The following C10orf67 variants were observed in gnomAD, a reference collection of about 807,000 sequenced individuals.
C10orf67 encodes chromosome 10 open reading frame 67, also known as uncharacterized protein C10orf67, mitochondrial.
C10orf67 carries 60 observed loss-of-function variants against 35.6 expected under a neutral mutation model. The ratio of observed to expected loss-of-function variants is 1.68; its 90% CI spans 1.37 to 2.09. The LOEUF (loss-of-function observed/expected upper bound fraction) is 2.09, where lower values mean the gene tolerates loss of function less well. C10orf67 is among the 30% of genes most tolerant of loss of function. The probability of loss-of-function intolerance (pLI) is 0.00; values close to 1 mark genes in which losing one functional copy is unlikely to be tolerated. For missense variants in C10orf67, 474 were observed against 330.2 expected, an observed-to-expected ratio of 1.44 and a Z score of -3.38; for synonymous variants, 167 against 115.8, an observed-to-expected ratio of 1.44 and a Z score of -2.84.
chr10:23,342,620 A>C (rs1775370478), intron 1 of C10orf67, among the ~76,000 whole-genome samples: 1 of 152,166 alleles, frequency 6.6e-6, no homozygotes. Context: ...CCAGGGCAGG[A>C]CACCATTCCT....
intron 4 of C10orf67, among the ~76,000 whole-genome samples, chr10:23,313,056 T>C (rs1241809319): frequency 6.6e-6 from 1 of 152,190 alleles, no homozygotes; most frequent in African/African-American, 2.4e-5. Context: ...CCCTCTCTTC[T>C]CTTTCCCTGT....
intron 1 of C10orf67, among the ~76,000 whole-genome samples, chr10:23,339,724 A>G (rs948491780): frequency 1.3e-5 from 2 of 152,130 alleles, no homozygotes; most frequent in African/African-American, 4.8e-5. Flanking sequence ...CTATCAGTGT[A>G]TTGTCTAGAG....
intron 1 of C10orf67, among the ~76,000 whole-genome samples, chr10:23,342,073 G>A (rs1031330693): frequency 2.6e-5 from 4 of 151,980 alleles, no homozygotes; most frequent in African/African-American, 4.8e-5. Flanking sequence ...CTGAGGTGGA[G>A]GGATCGCTTG....
intron 12 of C10orf67, among the ~76,000 whole-genome samples, chr10:23,244,448 T>C (rs925152482): frequency 4.6e-5 from 7 of 151,984 alleles, no homozygotes; most frequent in African/African-American, 9.7e-5. Context: ...GGAAACAAGA[T>C]AAAAGCAAAA....
intron 8 of C10orf67, among the ~76,000 whole-genome samples, chr10:23,267,623 G>C (rs1842918534): frequency 6.6e-6 from 1 of 152,164 alleles, no homozygotes. Context: ...GATAGCTTGA[G>C]AAGGCCGGGC....
intron 7 of C10orf67, among the ~76,000 whole-genome samples, chr10:23,289,220 G>A (rs1843640069): frequency 6.6e-6 from 1 of 152,146 alleles, no homozygotes; most frequent in South Asian, 2.1e-4. Flanking sequence ...CTGAAGTGCA[G>A]TGGTGCAATT....
At chr10:23,223,309 C>G (rs1396396541) in intron 15 of C10orf67, among the ~76,000 whole-genome samples, 1 of 151,994 alleles carries the variant, frequency 6.6e-6, no homozygotes, top group Non-Finnish European at 1.5e-5. Context: ...ATCTCAAACT[C>G]CTGGTTTCAA....
chr10:23,234,773 G>T (rs1842000778), intron 13 of C10orf67, among the ~76,000 whole-genome samples: 1 of 151,558 alleles, frequency 6.6e-6, no homozygotes, highest in Non-Finnish European at 1.5e-5. Context: ...CCAGCACTTT[G>T]GGGGGCTGAG....
At chr10:23,204,759 G>T (rs759551088) in intron 15 of C10orf67, among the ~76,000 whole-genome samples, 36 of 152,168 alleles carry the variant, frequency 2.4e-4, no homozygotes, top group Non-Finnish European at 4.0e-4. Context: ...TGAAACTGGG[G>T]AATGGGAAGA....
intron 2 of C10orf67, among the ~76,000 whole-genome samples, chr10:23,327,903 G>T (rs1845259634): frequency 6.6e-6 from 1 of 151,806 alleles, no homozygotes; most frequent in African/African-American, 2.4e-5. Flanking sequence ...AACACAAATT[G>T]CAACAAACAC....
At chr10:23,221,272 C>T (rs1367446716) in intron 15 of C10orf67, among the ~76,000 whole-genome samples, 2 of 152,036 alleles carry the variant, frequency 1.3e-5, no homozygotes, top group African/African-American at 4.8e-5. Context: ...ACTTTTAAAC[C>T]ATCAGATCTC....
chr10:23,280,556 C>G lies in C10orf67; in HGVS notation c.975+1457G>C, dbSNP rs79632032. 3.2e-3 allele frequency among the ~76,000 whole-genome samples: 489 copies of G among 152,258 alleles called. 3 individuals are homozygous for G. Among genetic ancestry groups the G allele is most frequent in the African/African-American group, 0.011 (468 of 41,534 alleles). ...TCCATCACAAGAAGAACCTCAAGCC[C>G]ACTCCCTCTATTGAAATCATGAGCT... is the stretch of plus-strand genomic sequence containing the variant. On this transcript the variant is annotated intron_variant, in intron 8 of 15. Coordinates refer to ENST00000636213, the MANE Select transcript of C10orf67 (RefSeq NM_001371909.1).
chr10:23,277,444 T>C (rs1433899894), intron 8 of C10orf67, among the ~76,000 whole-genome samples: 3 of 151,820 alleles, frequency 2.0e-5, no homozygotes, highest in African/African-American at 7.3e-5. Flanking sequence ...TCCCAGCTAC[T>C]TGGGAGGCTG....
chr10:23,227,372 T>C (rs11527745), intron 13 of C10orf67, among the ~76,000 whole-genome samples: 5,664 of 152,124 alleles, frequency 0.037, 316 homozygotes, highest in African/African-American at 0.13. Flanking sequence ...AAAAGGCCTT[T>C]GACAAAATTC....
intron 10 of C10orf67, among the ~76,000 whole-genome samples, chr10:23,264,013 A>G (rs564784294): frequency 6.6e-6 from 1 of 152,342 alleles, no homozygotes; most frequent in Admixed American, 6.5e-5. Flanking sequence ...TTTCAAAAAA[A>G]TAAGTATGAT....
chr10:23,254,499 CA>C (rs34234981), intron 10 of C10orf67, among the ~76,000 whole-genome samples: 28,988 of 152,110 alleles, frequency 0.19, 3,488 homozygotes, highest in Non-Finnish European at 0.27. Context: ...CATGAGCCAC[CA>C]CTACTGGCTG....
intron 13 of C10orf67, among the ~76,000 whole-genome samples, chr10:23,226,822 A>G (rs976949636): frequency 6.6e-6 from 1 of 152,260 alleles, no homozygotes; most frequent in Non-Finnish European, 1.5e-5. Context: ...CTCTATGCAA[A>G]TAAACTAGAA....
chr10:23,208,451 C>T (rs1355172503), intron 15 of C10orf67, among the ~76,000 whole-genome samples: 2 of 152,162 alleles, frequency 1.3e-5, no homozygotes, highest in Admixed American at 1.3e-4. Context: ...GCGATTTCCG[C>T]AGAAATGGTG....
chr10:23,281,099 C>T (rs1406899104), intron 8 of C10orf67, among the ~76,000 whole-genome samples: 2 of 152,052 alleles, frequency 1.3e-5, no homozygotes, highest in African/African-American at 2.4e-5. Flanking sequence ...ATGGTTTTTG[C>T]GAATCGCCAA....
Sources: allele counts gnomAD v4.1 joint callset (sites outside exome capture counted in the v4.1 genomes callset), GRCh38; gene constraint gnomAD v4.1.1; transcripts MANE v1.5; gene names NCBI Gene and HGNC (gene_info 2026-07-23, HGNC 2026-07-21).